GDE1: variants seen among roughly 807,000 people sequenced by gnomAD.
GDE1 encodes the protein glycerophosphodiester phosphodiesterase 1, also known as RGS16-interacting membrane protein.
In GDE1, 24 loss-of-function variants were observed where a neutral mutation model predicts 32.2. The ratio of observed to expected loss-of-function variants is 0.75; its 90% CI spans 0.54 to 1.05. The LOEUF (loss-of-function observed/expected upper bound fraction) is 1.05, where lower values mean the gene tolerates loss of function less well. GDE1 is among the 50% of genes least tolerant of loss of function. The pLI is 0.00. For synonymous variants in GDE1, 159 were observed against 158.6 expected (o/e 1.00, Z -0.02); for missense variants, 380 against 415.0 (o/e 0.92, Z 0.73).
intron 5 of GDE1, 153 bp from the exon 6 acceptor site, chr16:19,503,770 A>G (rs1969209572): frequency 3.2e-6 from 2 of 619,356 alleles, no homozygotes; most frequent in Non-Finnish European, 5.7e-6. Context: ...GGACTGTTCC[A>G]AAACCCAGGA....
chr16:19,507,726 A>G lies in GDE1; in HGVS notation c.597T>C (p.Asn199=). ...MYMEFPQLYN[N]SVVCSFLPEV... The stretch of plus-strand genomic sequence containing the variant: ...CTGGCAAGAAAGAACAGACCACACT[A>G]TTATTATACAGTTGAGGAAATTCCA... The change falls in exon 4 of 6, where the codon AAT becomes AAC. Residue 199 remains asparagine, a synonymous_variant. Transcript: ENST00000353258. The G allele has an allele frequency of 6.3e-7, 1 of 1,583,934 alleles. No individual in the cohort carries two copies.
chr16:19,517,440 T>C (rs1461165264), intron 1 of GDE1, among the ~76,000 whole-genome samples: 1 of 152,236 alleles, frequency 6.6e-6, no homozygotes, highest in African/African-American at 2.4e-5. Flanking sequence ...AGTGGAAGAC[T>C]AGGAGACTTC....
chr16:19,507,816 T>A (rs1196034769), intron 3 of GDE1, 37 bp from the exon 4 acceptor site: 1 of 953,788 alleles, frequency 1.0e-6, no homozygotes, highest in Non-Finnish European at 1.7e-6. Flanking sequence ...TAAAATTGAT[T>A]AAAATGTGAT....
intron 4 of GDE1, 106 bp downstream of exon 4, chr16:19,507,581 C>G: frequency 1.4e-6 from 1 of 702,990 alleles, no homozygotes; most frequent in Non-Finnish European, 2.6e-6. Context: ...CAACTGTGAC[C>G]CTGATGCAGT....
Position 19,515,433 on chromosome 16 carries a change from A to G in GDE1, c.437+1581T>C, listed in dbSNP as rs150522232. On this transcript the variant is annotated intron_variant, in intron 2 of 5. Transcript: ENST00000353258. ...CTTAAGGGATTTTTTGAAAATCACA[A>G]TTTTTTTTCCTAGGATGCACAAATT... Among the ~76,000 whole-genome samples the G allele has an allele frequency of 2.4e-4, 37 of 152,208 alleles. No homozygotes were observed. The East Asian group carries it at 6.6e-3, about 27-fold the overall frequency.
rs1482445451 is a variant in GDE1 at position 19,510,042 on chromosome 16, C to T, written c.543+797G>A. On this transcript the variant is annotated intron_variant, in intron 3 of 5. Coordinates refer to ENST00000353258, the MANE Select transcript of GDE1 (RefSeq NM_016641.4). ...ATCAGAATTCTCAACCAGTAGATGG[C>T]CCTTACCGATTATTAATATTGCTAG... is the stretch of plus-strand genomic sequence containing the variant. Among the ~76,000 whole-genome samples the T allele has an allele frequency of 7.2e-5, 11 of 151,956 alleles. No homozygotes were observed. In the South Asian group the frequency reaches 1.0e-3, roughly 14 times the overall value.
chr16:19,517,320 C>G, intron 1 of GDE1, 131 bp from the exon 2 acceptor site: 1 of 679,314 alleles, frequency 1.5e-6, no homozygotes, highest in Non-Finnish European at 2.6e-6. Context: ...ACTTCCCCCA[C>G]CAAACAGCAA....
At chr16:19,507,141 A>AAAATAAAT (rs79540258) in intron 4 of GDE1, among the ~76,000 whole-genome samples, 1,534 of 143,470 alleles carry the variant, frequency 0.011, 16 homozygotes, top group Middle Eastern at 0.025. Context: ...CCCGTCTTTT[A>AAAATAAAT]AAATAAATAA....
chr16:19,521,857 G>A lies in GDE1; in HGVS notation c.108C>T (p.Gly36=), dbSNP rs749603189. The change falls in exon 1 of 6, where the codon GGC becomes GGT. Residue 36 remains glycine (G), a synonymous_variant. Coordinates refer to ENST00000353258, the MANE Select transcript of GDE1 (RefSeq NM_016641.4). ...AGACGCGCAGTAGAACGAAGAGGCT[G>A]CCGGTGAGGAGGCAGGCATTGACCG... ...RSPVNACLLT[G]SLFVLLRVFS... is the part of the protein sequence containing the mutation. The A allele has an allele frequency of 7.9e-5, 127 of 1,608,110 alleles. No homozygotes were observed. In the South Asian group the frequency reaches 1.3e-3, roughly 16 times the overall value.
Position 19,503,310 on chromosome 16 carries a change from C to T in GDE1, c.*160G>A, listed in dbSNP as rs1175916839. ...CATGCCATGGTGCATGGTGGCAACACCGGGTTTAGCTTTGGTTCAGGTAAA... is the reference window on the plus strand; with the variant it reads ...CATGCCATGGTGCATGGTGGCAACATCGGGTTTAGCTTTGGTTCAGGTAAA... On this transcript the variant is annotated 3_prime_UTR_variant, in exon 6 of 6. Coordinates refer to ENST00000353258, the MANE Select transcript of GDE1 (RefSeq NM_016641.4). 1.6e-6 allele frequency: 1 copy of T among 643,598 alleles called. No individual in the cohort carries two copies. Among genetic ancestry groups the T allele is most frequent in the Non-Finnish European group, 2.7e-6 (1 of 374,114 alleles). 39.9% of individuals were successfully genotyped at this position (643,598 alleles called of 1,614,324 possible).
At chr16:19,510,746 GAATA>G (rs1448379604) in intron 3 of GDE1, 89 bp downstream of exon 3, 6 of 563,180 alleles carry the variant, frequency 1.1e-5, no homozygotes, top group South Asian at 6.9e-5. Flanking sequence ...GTTTTAAAAA[GAATA>G]AATAACAAAA....
chr16:19,512,340 C>A (rs2151447419), intron 2 of GDE1, among the ~76,000 whole-genome samples: 1 of 151,696 alleles, frequency 6.6e-6, no homozygotes, highest in African/African-American at 2.4e-5. Context: ...TTTTCATATG[C>A]CTGTTGGCCA....
In GDE1 at chr16:19,521,933, A is replaced by T; in HGVS notation, c.32T>A (p.Leu11Gln). Reference sequence around the variant, plus strand: ...TAGCAGCAGGAAGGAGAAAGGGCCCAGGAGGCCGCCCTGGTCCTCCCACAG... The same window carrying T: ...TAGCAGCAGGAAGGAGAAAGGGCCCTGGAGGCCGCCCTGGTCCTCCCACAG... MWLWEDQGGL[L>Q]GPFSFLLLVL... The change falls in exon 1 of 6, where the codon CTG becomes CAG. Residue 11 changes from leucine to glutamine, a missense_variant. By Grantham distance (113) the Leu-to-Gln change is moderately radical. Transcript: ENST00000353258. 1.3e-6 allele frequency: 2 copies of T among 1,579,636 alleles called. No individual in the cohort carries two copies. The highest frequency in any genetic ancestry group is 1.7e-6 in the Non-Finnish European group (2 of 1,162,872).
intron 2 of GDE1, among the ~76,000 whole-genome samples, chr16:19,515,620 G>T (rs2353913): frequency 6.6e-6 from 1 of 151,904 alleles, no homozygotes; most frequent in Non-Finnish European, 1.5e-5. Context: ...GAGCAATACA[G>T]TATCTGATGA....
At chr16:19,517,322 A>C (rs1969394364) in intron 1 of GDE1, 133 bp from the exon 2 acceptor site, 2 of 673,684 alleles carry the variant, frequency 3.0e-6, no homozygotes, top group South Asian at 3.6e-5. Flanking sequence ...TTCCCCCACC[A>C]AACAGCAATC....
rs924616404 is a variant in GDE1 at position 19,502,916 on chromosome 16, A to G, written c.*554T>C. On this transcript the variant is annotated 3_prime_UTR_variant, in exon 6 of 6. Transcript: ENST00000353258. ...CTCCCTACCATTTTGGTTGCTGTAC[A>G]CTGAAGCCTCACTGGATTGCATGGT... 1 of 152,492 alleles carries G rather than the reference A, an allele frequency of 6.6e-6. No individual in the cohort carries two copies. The highest frequency in any genetic ancestry group is 2.4e-5 in the African/African-American group (1 of 41,440). 9.4% of individuals were successfully genotyped at this position (152,492 alleles called of 1,614,324 possible).
At chr16:19,519,114 A>G (rs1969416764) in intron 1 of GDE1, among the ~76,000 whole-genome samples, 2 of 152,068 alleles carry the variant, frequency 1.3e-5, no homozygotes, top group South Asian at 2.1e-4. Flanking sequence ...GGCCTATGGA[A>G]CTTCTGACCA....
intron 4 of GDE1, among the ~76,000 whole-genome samples, chr16:19,506,943 G>A (rs1208816838): frequency 2.6e-5 from 4 of 151,940 alleles, no homozygotes; most frequent in Non-Finnish European, 5.9e-5. Flanking sequence ...AGAACTGCCT[G>A]GGTAATACAG....
intron 1 of GDE1, among the ~76,000 whole-genome samples, chr16:19,518,123 A>G (rs1292168186): frequency 6.6e-6 from 1 of 152,126 alleles, no homozygotes; most frequent in African/African-American, 2.4e-5. Context: ...CCTGAGATCA[A>G]GCAATCCTCC....
Sources: allele counts gnomAD v4.1 joint callset (sites outside exome capture counted in the v4.1 genomes callset), GRCh38; gene constraint gnomAD v4.1.1; transcripts MANE v1.5; gene names NCBI Gene and HGNC (gene_info 2026-07-23, HGNC 2026-07-21).